The following TWF1 variants were observed in gnomAD, a reference collection of about 807,000 sequenced individuals.
TWF1 encodes the protein twinfilin-1.
TWF1 carries 14 observed loss-of-function variants against 47.9 expected under a neutral mutation model. The ratio of observed to expected loss-of-function variants is 0.29; its 90% CI spans 0.19 to 0.46. TWF1 has a LOEUF of 0.46. TWF1 is among the 20% of genes least tolerant of loss of function. TWF1 has a pLI of 1.00. For missense variants in TWF1, 281 were observed against 409.3 expected (o/e 0.69, Z 2.70); for synonymous variants, 96 against 139.2 (o/e 0.69, Z 2.18).
intron 8 of TWF1, among the ~76,000 whole-genome samples, chr12:43,796,593 A>G (rs184537461): frequency 9.2e-5 from 14 of 152,248 alleles, no homozygotes; most frequent in African/African-American, 2.6e-4. Flanking sequence ...AATAATCACA[A>G]GTATGCAGCT....
At chr12:43,803,066 T>C (rs1401127214) in intron 2 of TWF1, among the ~76,000 whole-genome samples, 2 of 152,176 alleles carry the variant, frequency 1.3e-5, no homozygotes, top group East Asian at 1.9e-4. Flanking sequence ...TGCAGCACTA[T>C]ACAGTAACAG....
intron 1 of TWF1, 44 bp downstream of exon 1, chr12:43,806,177 C>T: frequency 1.3e-6 from 2 of 1,538,388 alleles, no homozygotes; most frequent in Non-Finnish European, 8.7e-7. Context: ...TCTCCCGGCT[C>T]TCCCGGAAGC....
chr12:43,804,152 C>G (rs1305726100), intron 2 of TWF1: 2 of 382,486 alleles, frequency 5.2e-6, no homozygotes, highest in Admixed American at 3.3e-5. Flanking sequence ...TCACAAGTAA[C>G]TATTTTTTTT....
chr12:43,805,812 C>G (rs751002805), intron 1 of TWF1: 1 of 1,369,712 alleles, frequency 7.3e-7, no homozygotes, highest in South Asian at 1.1e-5. Context: ...TCCTTTGGAC[C>G]ATGAAAAAGA....
intron 6 of TWF1, 60 bp from the exon 7 acceptor site, chr12:43,797,512 CAT>C (rs1461401352): frequency 7.0e-7 from 1 of 1,426,370 alleles, no homozygotes; most frequent in Non-Finnish European, 9.4e-7. Flanking sequence ...TAAGTTAAAA[CAT>C]ATAATAAAAA....
rs1942722495 is a variant in TWF1, at chr12:43,804,564, C to A, written c.34G>T (p.Asp12Tyr). 6.3e-7 allele frequency: 1 copy of A among 1,596,106 alleles called. No homozygotes were observed. The highest frequency in any genetic ancestry group is 8.5e-7 in the Non-Finnish European group (1 of 1,172,172). ...GCTCTGGCAAAGATCTCTTTAACAT[C>A]TTCACTTGCTGTGGAAAAAGATAAA... ...SHQTGIQASE[D>Y]VKEIFARARN... is the part of the protein sequence containing the mutation. The change falls in exon 2 of 9, where the codon GAT (aspartate) becomes TAT (tyrosine). Residue 12 changes from aspartate (D) to tyrosine (Y), a missense_variant. Transcript: ENST00000395510.
intron 1 of TWF1, chr12:43,805,937 C>A: frequency 6.5e-7 from 1 of 1,529,148 alleles, no homozygotes; most frequent in Non-Finnish European, 8.8e-7. Context: ...CGGTGGAAGG[C>A]ACGCCCCCTT....
chr12:43,806,102 C>G (rs1166854238), intron 1 of TWF1, 119 bp downstream of exon 1: 9 of 1,522,124 alleles, frequency 5.9e-6, no homozygotes, highest in East Asian at 2.5e-5. Flanking sequence ...CGGCTCGCCC[C>G]GCGAGACCGA....
intron 2 of TWF1, 112 bp from the exon 3 acceptor site, chr12:43,802,576 C>T (rs1359094670): frequency 6.3e-6 from 5 of 798,862 alleles, no homozygotes; most frequent in Admixed American, 2.9e-5. Context: ...CTATTATTCA[C>T]ATCAAAAAGT....
At chr12:43,805,836 T>A in intron 1 of TWF1, 1 of 1,393,812 alleles carries the variant, frequency 7.2e-7, no homozygotes, top group Non-Finnish European at 9.5e-7. Flanking sequence ...CTCGCCTGGT[T>A]CTCGACAGCG....
chr12:43,800,206 G>A (rs912441349), intron 4 of TWF1, among the ~76,000 whole-genome samples: 7 of 152,070 alleles, frequency 4.6e-5, no homozygotes, highest in African/African-American at 1.4e-4. Context: ...TACTTTAGAA[G>A]AATCAGTATG....
intron 8 of TWF1, among the ~76,000 whole-genome samples, chr12:43,796,500 C>T (rs1291437998): frequency 2.6e-5 from 4 of 152,082 alleles, no homozygotes; most frequent in Non-Finnish European, 5.9e-5. Flanking sequence ...TTATTCCTTC[C>T]TTCCCCCAAA....
chr12:43,800,638 G>A, intron 3 of TWF1, 108 bp from the exon 4 acceptor site: 1 of 796,586 alleles, frequency 1.3e-6, no homozygotes, highest in South Asian at 1.7e-5. Flanking sequence ...AAACAAAACT[G>A]AGCTGAAGTC....
chr12:43,797,238 A>T lies in TWF1; in HGVS notation c.760+64T>A, dbSNP rs961649322. The T allele has an allele frequency of 6.6e-6, 10 of 1,506,582 alleles. No individual in the cohort carries two copies. In the Admixed American group the frequency reaches 2.2e-4, roughly 32 times the overall value. 93.3% of individuals were successfully genotyped at this position (1,506,582 alleles called of 1,614,324 possible). A position where few individuals can be genotyped will look rare whatever the true frequency, so the allele number is the denominator to read the frequency against. ...CCCTCTGGGCAAGAAATAAGTAAGA[A>T]TATAGGGCTGATACACCAATAAACA... On this transcript the variant is annotated intron_variant, in intron 7 of 8. Coordinates refer to ENST00000395510, the MANE Select transcript of TWF1 (RefSeq NM_002822.5).
At chr12:43,797,985 C>A (rs746551688) in intron 5 of TWF1, 152 bp from the exon 6 acceptor site, 107 of 766,654 alleles carry the variant, frequency 1.4e-4, no homozygotes, top group Non-Finnish European at 1.9e-4. Context: ...GTCCTGCTAG[C>A]ATTTTGTCAA....
At chr12:43,805,759 AT>A (rs1406357012) in intron 1 of TWF1, 2 of 1,338,464 alleles carry the variant, frequency 1.5e-6, no homozygotes, top group Admixed American at 3.8e-5. Context: ...TGTGAGAAAG[AT>A]TCTGGCATGG....
At chr12:43,802,204 T>C in intron 3 of TWF1, 82 bp downstream of exon 3, 1 of 937,738 alleles carries the variant, frequency 1.1e-6, no homozygotes, top group Non-Finnish European at 1.5e-6. Context: ...AATTATTGTT[T>C]TTTAACCTTT....
At chr12:43,802,116 G>A (rs767190150) in intron 3 of TWF1, among the ~76,000 whole-genome samples, 170 bp downstream of exon 3, 38 of 152,258 alleles carry the variant, frequency 2.5e-4, no homozygotes, top group Non-Finnish European at 5.4e-4. Flanking sequence ...CAAAACTCCC[G>A]AATCTAAGCA....
chr12:43,797,871 A>G, intron 5 of TWF1, 38 bp from the exon 6 acceptor site: 2 of 1,597,036 alleles, frequency 1.3e-6, no homozygotes, highest in Non-Finnish European at 8.5e-7. Flanking sequence ...TTTAGCAGTT[A>G]GCAGTATCCT....
Sources: allele counts gnomAD v4.1 joint callset (sites outside exome capture counted in the v4.1 genomes callset), GRCh38; gene constraint gnomAD v4.1.1; transcripts MANE v1.5; gene names NCBI Gene and HGNC (gene_info 2026-07-23, HGNC 2026-07-21).